The following MORN3 variants were observed in gnomAD, a reference collection of about 807,000 sequenced individuals.
MORN3 encodes the protein MORN repeat-containing protein 3.
Under a neutral mutation model 34.7 loss-of-function variants are expected in MORN3, and 38 were observed. The observed-to-expected ratio is 1.10, with a 90% CI of 0.85 to 1.44. The LOEUF (loss-of-function observed/expected upper bound fraction) is 1.44, where lower values mean the gene tolerates loss of function less well. Ranked by LOEUF, MORN3 falls within the 40% of genes most tolerant of loss-of-function variation. MORN3 has a pLI of 0.00. For missense variants in MORN3, 311 were observed against 321.7 expected (o/e 0.97, Z 0.25); for synonymous variants, 109 against 115.3 (o/e 0.95, Z 0.35).
At chr12:121,668,369 C>A (rs1345996686) in intron 1 of MORN3, among the ~76,000 whole-genome samples, 1 of 151,968 alleles carries the variant, frequency 6.6e-6, no homozygotes, top group Non-Finnish European at 1.5e-5. Context: ...ACGGAGAAAC[C>A]CCGTCTTACT....
intron 4 of MORN3, 40 bp downstream of exon 4, chr12:121,653,035 G>C: frequency 6.4e-7 from 1 of 1,558,422 alleles, no homozygotes; most frequent in Middle Eastern, 1.7e-4. Context: ...TTCTGTCTCT[G>C]TCTGGGTGTG....
chr12:121,670,545 A>G (rs965501982), upstream of MORN3, among the ~76,000 whole-genome samples: 10 of 152,366 alleles, frequency 6.6e-5, no homozygotes, highest in Middle Eastern at 3.4e-3. Context: ...GCAGTGGCTC[A>G]TGCCTGTAAT....
chr12:121,663,199 C>CT (rs34572988), intron 1 of MORN3, among the ~76,000 whole-genome samples: 25,795 of 139,962 alleles, frequency 0.18, 2,688 homozygotes, highest in East Asian at 0.34. Flanking sequence ...GAAATGTAGA[C>CT]TTTTTTTTTT....
upstream of MORN3, chr12:121,672,628 C>A (rs116318931): frequency 0.038 from 5,805 of 152,454 alleles, 216 homozygotes; most frequent in African/African-American, 0.095. Context: ...GCGCGCGCCG[C>A]GGGCCCGGCC....
At chr12:121,659,160 CA>C in intron 2 of MORN3, 30 bp downstream of exon 2, 3 of 1,607,388 alleles carry the variant, frequency 1.9e-6, no homozygotes, top group Non-Finnish European at 1.7e-6. Flanking sequence ...CACACACACA[CA>C]CACACACCCC....
chr12:121,653,968 G>T (rs1260142313), intron 3 of MORN3, among the ~76,000 whole-genome samples: 1 of 151,986 alleles, frequency 6.6e-6, no homozygotes, highest in Non-Finnish European at 1.5e-5. Context: ...TGCCCATTAA[G>T]CAGCCATTCC....
upstream of MORN3, among the ~76,000 whole-genome samples, chr12:121,670,543 T>C (rs1893928072): frequency 6.6e-6 from 1 of 152,196 alleles, no homozygotes; most frequent in African/African-American, 2.4e-5. Context: ...GCGCAGTGGC[T>C]CATGCCTGTA....
chr12:121,661,001 T>C (rs1893564955), intron 1 of MORN3, among the ~76,000 whole-genome samples: 1 of 151,978 alleles, frequency 6.6e-6, no homozygotes, highest in South Asian at 2.1e-4. Flanking sequence ...AGGATCTGGC[T>C]GTGTTGGCTA....
chr12:121,654,655 T>C (rs1239902955), intron 2 of MORN3, among the ~76,000 whole-genome samples: 1 of 151,934 alleles, frequency 6.6e-6, no homozygotes, highest in Non-Finnish European at 1.5e-5. Flanking sequence ...TGGAGTGCAG[T>C]GATGTGATCT....
intron 2 of MORN3, among the ~76,000 whole-genome samples, chr12:121,658,458 T>C (rs577963420): frequency 4.2e-5 from 6 of 142,372 alleles, no homozygotes; most frequent in African/African-American, 1.6e-4. Context: ...CCCAGCAACC[T>C]GGGAAGCTGA....
chr12:121,655,492 C>T (rs1893390026), intron 2 of MORN3, among the ~76,000 whole-genome samples: 1 of 148,098 alleles, frequency 6.8e-6, no homozygotes, highest in South Asian at 2.1e-4. Context: ...GATGGATCAC[C>T]TGAGGTCAGG....
In MORN3 at chr12:121,652,811, G is replaced by A; in HGVS notation, c.649-3C>T. Reference sequence around the variant, plus strand: ...CCATCAGGGTCTAGGATTTTGACCTGGAGGGAAATACCAAGAAGTTGGTTT... The same window carrying A: ...CCATCAGGGTCTAGGATTTTGACCTAGAGGGAAATACCAAGAAGTTGGTTT... On this transcript the variant is annotated splice_region_variant and splice_polypyrimidine_tract_variant and intron_variant, in intron 4 of 5. Transcript: ENST00000355329. 1 of 1,614,200 alleles carries A rather than the reference G, an allele frequency of 6.2e-7. No individual in the cohort carries two copies. The highest frequency in any genetic ancestry group is 1.1e-5 in the South Asian group (1 of 91,072).
At position 121,660,598 on chromosome 12, in the gene MORN3, C is replaced by T. The variant is rs1188708143; in HGVS notation, c.146-1250G>A. 2.6e-5 allele frequency among the ~76,000 whole-genome samples: 4 copies of T among 151,468 alleles called. No homozygotes were observed. The South Asian group carries it at 8.3e-4, about 32-fold the overall frequency. On this transcript the variant is annotated intron_variant, in intron 1 of 5. Coordinates refer to ENST00000355329, the MANE Select transcript of MORN3 (RefSeq NM_173855.5). ...ACTCCTGACATCGTGATCCGTCTGCCTTGGCCACCCATAATACTGGGATTG... is the reference window on the plus strand; with the variant it reads ...ACTCCTGACATCGTGATCCGTCTGCTTTGGCCACCCATAATACTGGGATTG...
At chr12:121,654,624 G>C (rs532220374) in intron 2 of MORN3, among the ~76,000 whole-genome samples, 191 bp from the exon 3 acceptor site, 15 of 152,006 alleles carry the variant, frequency 9.9e-5, no homozygotes, top group African/African-American at 3.6e-4. Flanking sequence ...TTTAGACAGA[G>C]ATCCACTCTG....
intron 1 of MORN3, among the ~76,000 whole-genome samples, chr12:121,663,833 G>A (rs531270212): frequency 3.7e-4 from 56 of 151,932 alleles, no homozygotes; most frequent in African/African-American, 1.4e-3. Flanking sequence ...GGAGCCCATG[G>A]TCTGGTAGGG....
rs752319573 is a variant in MORN3 at position 121,669,501 on chromosome 12, G to A, written c.-18C>T. 1 of 1,612,608 alleles carries A rather than the reference G, an allele frequency of 6.2e-7. No individual in the cohort carries two copies. Among genetic ancestry groups the A allele is most frequent in the East Asian group, 2.2e-5 (1 of 44,686 alleles). On this transcript the variant is annotated 5_prime_UTR_variant, in exon 1 of 6. Transcript: ENST00000355329. Reference sequence around the variant, plus strand: ...ACTGGCATGGTGGCTGCTTCTGCAAGGCTGGAGGGTGCTGGAAAGGGGTTA... The same window carrying A: ...ACTGGCATGGTGGCTGCTTCTGCAAAGCTGGAGGGTGCTGGAAAGGGGTTA...
chr12:121,653,029 GTC>G, intron 4 of MORN3, 44 bp downstream of exon 4: 4 of 1,547,074 alleles, frequency 2.6e-6, no homozygotes, highest in Non-Finnish European at 3.5e-6. Flanking sequence ...GCTGGCTTCT[GTC>G]TCTGTCTGGG....
chr12:121,651,145 G>C lies in MORN3; in HGVS notation c.*506C>G, dbSNP rs1893243280. On this transcript the variant is annotated 3_prime_UTR_variant, in exon 6 of 6. Coordinates refer to ENST00000355329, the MANE Select transcript of MORN3 (RefSeq NM_173855.5). ...TTATATTTTAAAATTTTTTTTTGTAGAGTCAGGGTCTTGCTATGTTGCCTA... is the reference window on the plus strand; with the variant it reads ...TTATATTTTAAAATTTTTTTTTGTACAGTCAGGGTCTTGCTATGTTGCCTA... 1 of 150,914 alleles carries C rather than the reference G, an allele frequency of 6.6e-6. No individual in the cohort carries two copies. Among genetic ancestry groups the C allele is most frequent in the Admixed American group, 6.6e-5 (1 of 15,122 alleles). The allele number at this position is 150,914 out of a possible 1,614,324, so 9.3% of individuals were successfully genotyped here. A position where few individuals can be genotyped will look rare whatever the true frequency, so the allele number is the denominator to read the frequency against.
At chr12:121,657,970 A>C (rs1184328405) in intron 2 of MORN3, among the ~76,000 whole-genome samples, 6 of 151,936 alleles carry the variant, frequency 3.9e-5, no homozygotes, top group Admixed American at 3.9e-4. Flanking sequence ...GTCTTGATGA[A>C]TCGGCTCTGT....
Sources: allele counts gnomAD v4.1 joint callset (sites outside exome capture counted in the v4.1 genomes callset), GRCh38; gene constraint gnomAD v4.1.1; transcripts MANE v1.5; gene names NCBI Gene and HGNC (gene_info 2026-07-23, HGNC 2026-07-21).